Variants in TRIM61 observed in about 807,000 individuals in gnomAD.
TRIM61 encodes putative tripartite motif-containing protein 61.
In TRIM61, 1 loss-of-function variant was observed where a neutral mutation model predicts 14.2. The observed-to-expected ratio is 0.07, with a 90% CI of 0.03 to 0.33. The LOEUF is 0.33. Among genes scored for constraint, TRIM61 ranks in the 10% least tolerant of loss-of-function variants. The pLI is 0.99. For missense variants in TRIM61, 19 were observed against 202.2 expected (o/e 0.09, Z 5.49); for synonymous variants, 8 against 71.6 (o/e 0.11, Z 4.49).
At chr4:164,964,933 C>G (rs1187718009) in intron 3 of TRIM61, among the ~76,000 whole-genome samples, 1 of 152,162 alleles carries the variant, frequency 6.6e-6, no homozygotes, top group Non-Finnish European at 1.5e-5. Context: ...CAACGTCATC[C>G]TATTTTTGAT....
chr4:164,964,142 A>G (rs893075376), intron 3 of TRIM61, among the ~76,000 whole-genome samples: 14 of 151,712 alleles, frequency 9.2e-5, no homozygotes, highest in African/African-American at 3.4e-4. Context: ...GAGGTCAGGA[A>G]ATCGAGACCA....
intron 3 of TRIM61, chr4:164,957,610 C>G (rs758874586): frequency 2.0e-4 from 231 of 1,138,458 alleles, no homozygotes; most frequent in Non-Finnish European, 2.7e-4. Context: ...ACTAAAAATA[C>G]ATGAATGCTA....
In TRIM61 at chr4:164,957,251, TC is replaced by T. The variant is rs767184184; in HGVS notation, c.526-2156del. On this transcript the variant is annotated intron_variant, in intron 3 of 4. Coordinates refer to ENST00000329314, the MANE Select transcript of TRIM61 (RefSeq NM_001012414.3). ...CGTCCAACAGCGGTCGCTCCACCAA[TC>T]CTGGGAGAAGCGAATCGTTTTCTCC... 4 of 1,613,954 alleles carry T rather than the reference TC, an allele frequency of 2.5e-6. No homozygotes were observed. In the African/African-American group the frequency reaches 5.3e-5, roughly 22 times the overall value.
chr4:164,970,291 CA>C lies in TRIM61; in HGVS notation c.-290del. ...CTCTTCCCACTAAATGAAATAAAGT[CA>C]AGTTTTCTTCAAGAAAGCAGCCTCA... On this transcript the variant is annotated 5_prime_UTR_variant, in exon 3 of 5. It removes the in-frame stop codon of an upstream open reading frame in the 5' UTR. Transcript: ENST00000329314. 1 of 314,928 alleles carries C rather than the reference CA, an allele frequency of 3.2e-6. No homozygotes were observed. Among genetic ancestry groups the C allele is most frequent in the South Asian group, 4.9e-5 (1 of 20,330 alleles). 19.5% of individuals were successfully genotyped at this position (314,928 alleles called of 1,614,324 possible).
At chr4:164,970,769 C>A (rs571988361) in intron 2 of TRIM61, among the ~76,000 whole-genome samples, 19 of 152,208 alleles carry the variant, frequency 1.2e-4, no homozygotes, top group Non-Finnish European at 2.4e-4. Flanking sequence ...CTGATTGAAT[C>A]TGAGATCTTG....
chr4:164,956,901 G>T, intron 3 of TRIM61: 2 of 997,646 alleles, frequency 2.0e-6, no homozygotes, highest in Non-Finnish European at 2.9e-6. Context: ...CGTAGCGGAA[G>T]TCGGAGCGGC....
intron 3 of TRIM61, chr4:164,957,058 T>C (rs1231342194): frequency 6.6e-7 from 1 of 1,519,424 alleles, no homozygotes; most frequent in South Asian, 1.3e-5. Flanking sequence ...GCAGCTGTCC[T>C]CTTCTCCCCG....
chr4:164,965,869 G>A (rs1732229075), intron 3 of TRIM61, among the ~76,000 whole-genome samples: 1 of 151,570 alleles, frequency 6.6e-6, no homozygotes, highest in Non-Finnish European at 1.5e-5. Context: ...TATCAGGATA[G>A]ACTAAAGACA....
intron 2 of TRIM61, among the ~76,000 whole-genome samples, 151 bp downstream of exon 2, chr4:164,976,537 G>T (rs1219418828): frequency 6.6e-6 from 1 of 152,140 alleles, no homozygotes; most frequent in African/African-American, 2.4e-5. Flanking sequence ...AACCACTTAT[G>T]TCTCTCTCCT....
At chr4:164,974,576 CT>C (rs1247535711) in intron 2 of TRIM61, among the ~76,000 whole-genome samples, 1 of 152,028 alleles carries the variant, frequency 6.6e-6, no homozygotes, top group Non-Finnish European at 1.5e-5. Flanking sequence ...TAACACAACA[CT>C]ACAGAAAACA....
At chr4:164,968,983 C>A in intron 3 of TRIM61, 1 of 1,027,438 alleles carries the variant, frequency 9.7e-7, no homozygotes, top group Non-Finnish European at 1.2e-6. Context: ...CCTTAGAACC[C>A]AGAACAGCTG....
intron 2 of TRIM61, among the ~76,000 whole-genome samples, chr4:164,976,021 G>A (rs1732473309): frequency 6.6e-6 from 1 of 152,166 alleles, no homozygotes; most frequent in Admixed American, 6.5e-5. Context: ...TTACTCCGCT[G>A]AGATGTTTGG....
intron 2 of TRIM61, among the ~76,000 whole-genome samples, chr4:164,973,570 A>G (rs1339732136): frequency 6.6e-6 from 1 of 152,236 alleles, no homozygotes; most frequent in Non-Finnish European, 1.5e-5. Context: ...TTTTCATCCA[A>G]CTCTAACACT....
intron 3 of TRIM61, chr4:164,968,460 G>A (rs13134940): frequency 0.16 from 153,149 of 983,820 alleles, 13,989 homozygotes; most frequent in East Asian, 0.62. Context: ...TTTGGAAGTT[G>A]CTGAAACTGA....
chr4:164,964,184 T>C (rs1416424765), intron 3 of TRIM61, among the ~76,000 whole-genome samples: 1 of 150,866 alleles, frequency 6.6e-6, no homozygotes, highest in African/African-American at 2.4e-5. Flanking sequence ...CCCATCTCTA[T>C]TAAAAATACA....
At chr4:164,957,383 C>T (rs1579140857) in intron 3 of TRIM61, 3 of 1,614,022 alleles carry the variant, frequency 1.9e-6, no homozygotes, top group African/African-American at 1.3e-5. Flanking sequence ...AGAAGGACCA[C>T]CAGGAAAAGT....
intron 3 of TRIM61, 127 bp downstream of exon 3, chr4:164,968,154 G>A (rs1579147320): frequency 1.0e-6 from 1 of 984,444 alleles, no homozygotes. Context: ...GGAGGGGAGG[G>A]GAGAAGAGGA....
chr4:164,973,389 CTA>C (rs900288199), intron 2 of TRIM61, among the ~76,000 whole-genome samples: 2 of 152,162 alleles, frequency 1.3e-5, no homozygotes, highest in Non-Finnish European at 2.9e-5. Flanking sequence ...ATGCAGCCCT[CTA>C]TATATCAAAT....
intron 2 of TRIM61, among the ~76,000 whole-genome samples, chr4:164,971,073 C>A (rs1418129160): frequency 5.3e-5 from 8 of 151,992 alleles, no homozygotes; most frequent in Non-Finnish European, 1.2e-4. Context: ...GGCACTCCAG[C>A]CCCAGCGACA....
Sources: allele counts gnomAD v4.1 joint callset (sites outside exome capture counted in the v4.1 genomes callset), GRCh38; gene constraint gnomAD v4.1.1; transcripts MANE v1.5; gene names NCBI Gene and HGNC (gene_info 2026-07-23, HGNC 2026-07-21).